The following CRACDL variants were observed in gnomAD, a reference collection of about 807,000 sequenced individuals.
CRACDL encodes the protein CRACD-like protein.
In CRACDL, 26 loss-of-function variants were observed where a neutral mutation model predicts 70.6. The observed-to-expected ratio is 0.37, with a 90% confidence interval of 0.27 to 0.51. The LOEUF is 0.51. Ranked by LOEUF, CRACDL falls within the 20% of genes least tolerant of loss-of-function variation. The pLI is 0.94. For synonymous variants in CRACDL, 618 were observed against 615.2 expected (o/e 1.00, Z -0.07); for missense variants, 1,283 against 1,376.9 (o/e 0.93, Z 1.08).
At chr2:98,863,962 C>T (rs1707033393) in intron 1 of CRACDL, among the ~76,000 whole-genome samples, 4 of 151,984 alleles carry the variant, frequency 2.6e-5, no homozygotes, top group Admixed American at 2.0e-4. Context: ...TGCAAGACCC[C>T]AAAAAGAGTT....
At chr2:98,826,876 T>A in intron 6 of CRACDL, 99 bp downstream of exon 6, 2 of 730,904 alleles carry the variant, frequency 2.7e-6, no homozygotes, top group Non-Finnish European at 4.3e-6. Context: ...AGAGGGGGCA[T>A]GAGACCCTGT....
intron 7 of CRACDL, among the ~76,000 whole-genome samples, chr2:98,799,755 T>TCCCAACCA: frequency 6.6e-6 from 1 of 152,186 alleles, no homozygotes; most frequent in East Asian, 1.9e-4. Flanking sequence ...CCTTCCATCC[T>TCCCAACCA]CCCAACCACC....
intron 1 of CRACDL, among the ~76,000 whole-genome samples, chr2:98,887,762 G>C (rs966988198): frequency 6.6e-6 from 1 of 152,162 alleles, no homozygotes; most frequent in Admixed American, 6.5e-5. Flanking sequence ...AGCTGCAAGA[G>C]AGAAGTGACT....
At chr2:98,911,218 C>G (rs564557142) in intron 1 of CRACDL, among the ~76,000 whole-genome samples, 1 of 152,300 alleles carries the variant, frequency 6.6e-6, no homozygotes, top group Admixed American at 6.5e-5. Flanking sequence ...GGCCCTGCCT[C>G]CCTCATAGTG....
intron 1 of CRACDL, among the ~76,000 whole-genome samples, chr2:98,904,207 G>A (rs542888418): frequency 7.2e-5 from 11 of 152,320 alleles, no homozygotes; most frequent in African/African-American, 2.2e-4. Context: ...ACCCTCCACT[G>A]AGCTATTGCA....
At chr2:98,919,711 T>C (rs1432025723) in intron 1 of CRACDL, among the ~76,000 whole-genome samples, 6 of 152,246 alleles carry the variant, frequency 3.9e-5, no homozygotes, top group African/African-American at 1.4e-4. Flanking sequence ...CATGGGCATG[T>C]TGTCTATTTC....
chr2:98,912,564 T>C (rs1027261317), intron 1 of CRACDL, among the ~76,000 whole-genome samples: 10 of 152,338 alleles, frequency 6.6e-5, no homozygotes, highest in African/African-American at 2.4e-4. Context: ...AGGCTTTCCC[T>C]GAATGCCCTG....
At chr2:98,834,637 T>C (rs1419323684) in intron 3 of CRACDL, among the ~76,000 whole-genome samples, 1 of 152,210 alleles carries the variant, frequency 6.6e-6, no homozygotes, top group Non-Finnish European at 1.5e-5. Flanking sequence ...TGAGGAGACA[T>C]AGTGCAAAGA....
chr2:98,889,348 CAGTAA>C (rs2104632403), intron 1 of CRACDL, among the ~76,000 whole-genome samples: 1 of 136,978 alleles, frequency 7.3e-6, no homozygotes, highest in Admixed American at 7.3e-5. Context: ...AGAAAGGAAA[CAGTAA>C]CCAAAACAGA....
intron 1 of CRACDL, among the ~76,000 whole-genome samples, chr2:98,899,637 G>GA (rs931975301): frequency 6.0e-5 from 9 of 150,922 alleles, no homozygotes; most frequent in Admixed American, 2.0e-4. Flanking sequence ...AGACTGGAGT[G>GA]AAAAAAAAAG....
chr2:98,847,648 C>T (rs1706316249), intron 1 of CRACDL, among the ~76,000 whole-genome samples: 1 of 152,226 alleles, frequency 6.6e-6, no homozygotes, highest in Non-Finnish European at 1.5e-5. Flanking sequence ...ATTCCTGCTA[C>T]AGAATACTGA....
intron 1 of CRACDL, among the ~76,000 whole-genome samples, chr2:98,878,135 T>C (rs1158678709): frequency 6.6e-6 from 1 of 152,072 alleles, no homozygotes; most frequent in Non-Finnish European, 1.5e-5. Context: ...TTAGTAGAGA[T>C]GGGGTTTCAC....
intron 1 of CRACDL, among the ~76,000 whole-genome samples, chr2:98,895,257 G>A (rs887950040): frequency 2.6e-5 from 4 of 152,168 alleles, no homozygotes; most frequent in African/African-American, 9.7e-5. Context: ...ACAGAGGGAG[G>A]GCCTTGATGG....
intron 1 of CRACDL, among the ~76,000 whole-genome samples, chr2:98,895,291 A>G (rs1033755114): frequency 5.9e-5 from 9 of 152,224 alleles, no homozygotes; most frequent in Non-Finnish European, 1.0e-4. Flanking sequence ...GCCTAGATCT[A>G]GAATTATGAC....
intron 1 of CRACDL, among the ~76,000 whole-genome samples, chr2:98,929,593 A>G (rs1287748562): frequency 1.3e-5 from 2 of 152,266 alleles, no homozygotes; most frequent in South Asian, 2.1e-4. Flanking sequence ...GCGAACCTCT[A>G]CAGACCCACA....
intron 1 of CRACDL, among the ~76,000 whole-genome samples, chr2:98,856,852 C>A (rs140881188): frequency 6.6e-6 from 1 of 152,150 alleles, no homozygotes. Context: ...CTTCTTGTCC[C>A]CTGACTATGA....
intron 1 of CRACDL, among the ~76,000 whole-genome samples, chr2:98,916,853 G>C (rs953734241): frequency 2.0e-5 from 3 of 152,202 alleles, no homozygotes; most frequent in Non-Finnish European, 4.4e-5. Flanking sequence ...CCCTGAGCAA[G>C]AGCCTACCCG....
chr2:98,909,615 A>G (rs1708495777), intron 1 of CRACDL, among the ~76,000 whole-genome samples: 2 of 152,182 alleles, frequency 1.3e-5, no homozygotes, highest in Non-Finnish European at 2.9e-5. Flanking sequence ...TCCCTCCAGC[A>G]CATTTCTGCT....
intron 1 of CRACDL, among the ~76,000 whole-genome samples, chr2:98,903,154 G>A (rs899243648): frequency 3.3e-5 from 5 of 152,094 alleles, no homozygotes; most frequent in Non-Finnish European, 5.9e-5. Context: ...AGAAGCCTGC[G>A]GAGAGCTCAC....
Sources: allele counts gnomAD v4.1 joint callset (sites outside exome capture counted in the v4.1 genomes callset), GRCh38; gene constraint gnomAD v4.1.1; transcripts MANE v1.5; gene names NCBI Gene and HGNC (gene_info 2026-07-23, HGNC 2026-07-21).